DZANK1: variants seen among roughly 807,000 people sequenced by gnomAD.
The protein encoded by DZANK1 is double zinc ribbon and ankyrin repeat-containing protein 1.
A neutral mutation model predicts 94.5 loss-of-function variants in DZANK1; 91 were observed. The ratio of observed to expected loss-of-function variants is 0.96; its 90% CI spans 0.81 to 1.15. The LOEUF (loss-of-function observed/expected upper bound fraction) is 1.15, where lower values mean the gene tolerates loss of function less well. DZANK1 is among the 50% of genes most tolerant of loss of function. The pLI is 0.00. For synonymous variants in DZANK1, 312 were observed against 325.3 expected (o/e 0.96, Z 0.44); for missense variants, 903 against 916.4 (o/e 0.99, Z 0.19).
intron 9 of DZANK1, 33 bp downstream of exon 9, chr20:18,433,619 C>T (rs1469671175): frequency 1.3e-6 from 2 of 1,581,416 alleles, no homozygotes; most frequent in South Asian, 2.2e-5. Context: ...CTATGTATTT[C>T]ATTCATGTTT....
intron 14 of DZANK1, among the ~76,000 whole-genome samples, chr20:18,398,063 A>T (rs2056450739): frequency 6.6e-6 from 1 of 152,166 alleles, no homozygotes; most frequent in African/African-American, 2.4e-5. Flanking sequence ...TATTTTTTTT[A>T]AAGTGATCAC....
intron 10 of DZANK1, chr20:18,420,865 G>C: frequency 6.4e-6 from 1 of 155,604 alleles, no homozygotes; most frequent in Admixed American, 6.4e-5. Flanking sequence ...GTTGAGGTCA[G>C]CCAGAACCCG....
intron 3 of DZANK1, among the ~76,000 whole-genome samples, chr20:18,458,489 CA>C: frequency 6.6e-6 from 1 of 152,314 alleles, no homozygotes; most frequent in East Asian, 1.9e-4. Context: ...TCTCCATCTT[CA>C]AGAAAGTTAG....
In DZANK1 at chr20:18,393,354, C is replaced by A. The variant is rs937619609; in HGVS notation, c.1809+357G>T. Among the ~76,000 whole-genome samples the A allele has an allele frequency of 3.9e-5, 6 of 152,316 alleles. No individual in the cohort carries two copies. In the South Asian group the frequency reaches 1.2e-3, roughly 32 times the overall value. The stretch of plus-strand genomic sequence containing the variant: ...CTCACACAGGGACTTCAGGGTCCAT[C>A]CTCATGCTGGGCACCAGGCCAGCAT... On this transcript the variant is annotated intron_variant, in intron 17 of 20. Coordinates refer to ENST00000262547, the Ensembl canonical transcript of DZANK1.
intron 11 of DZANK1, 122 bp downstream of exon 11, chr20:18,415,205 A>G: frequency 1.0e-6 from 1 of 990,662 alleles, no homozygotes; most frequent in Non-Finnish European, 1.4e-6. Context: ...TTCTTAGGTT[A>G]TAGGTACCAG....
At chr20:18,450,424 C>T (rs1372582614) in intron 6 of DZANK1, among the ~76,000 whole-genome samples, 1 of 152,182 alleles carries the variant, frequency 6.6e-6, no homozygotes, top group African/African-American at 2.4e-5. Context: ...ATAACATGAC[C>T]TAGACCAGAA....
exon 4 of DZANK1, chr20:18,455,352 T>C (rs746545267): frequency 6.3e-7 from 1 of 1,594,766 alleles, no homozygotes; most frequent in South Asian, 1.1e-5. Context: ...TGCCACTCTG[T>C]CTGCAGTCTC....
At chr20:18,385,115 A>C in intron 19 of DZANK1, 25 bp from the exon 20 acceptor site, 1 of 1,550,154 alleles carries the variant, frequency 6.5e-7, no homozygotes, top group Non-Finnish European at 8.7e-7. Context: ...AAAATCCTGG[A>C]TAAATCCTTA....
At position 18,405,692 on chromosome 20, in the gene DZANK1, T is replaced by A. The variant is rs1202271367; in HGVS notation, c.1432+6954A>T. ...TGCTGGAACACCAAATTTTAACAACTATCTGTACTCAGAAAAGCACCATTA... is the reference window on the plus strand; with the variant it reads ...TGCTGGAACACCAAATTTTAACAACAATCTGTACTCAGAAAAGCACCATTA... On this transcript the variant is annotated intron_variant, in intron 13 of 20. Coordinates refer to ENST00000262547, the Ensembl canonical transcript of DZANK1. Among the ~76,000 whole-genome samples, 5 of 152,314 alleles carry A rather than the reference T, an allele frequency of 3.3e-5. No homozygotes were observed. In the East Asian group the frequency reaches 9.6e-4, roughly 29 times the overall value.
At chr20:18,399,013 T>C (rs1248399953) in intron 13 of DZANK1, among the ~76,000 whole-genome samples, 5 of 151,038 alleles carry the variant, frequency 3.3e-5, no homozygotes, top group African/African-American at 1.2e-4. Context: ...GCACCTGTAG[T>C]CCCAGCTACT....
intron 3 of DZANK1, 84 bp from the exon 4 acceptor site, chr20:18,455,445 G>A: frequency 1.1e-6 from 1 of 877,704 alleles, no homozygotes; most frequent in Non-Finnish European, 1.8e-6. Context: ...TTTTATTAAA[G>A]TGCCTTAGTC....
intron 20 of DZANK1, 72 bp from the exon 21 acceptor site, chr20:18,384,636 C>A: frequency 6.8e-7 from 1 of 1,467,510 alleles, no homozygotes. Context: ...TTGACTCTAC[C>A]CTGCCATGGA....
chr20:18,436,443 C>CAA (rs767717764), intron 8 of DZANK1, among the ~76,000 whole-genome samples: 38,801 of 103,172 alleles, frequency 0.38, 7,867 homozygotes, highest in Non-Finnish European at 0.45. Flanking sequence ...GACTCCATCT[C>CAA]AAAAAAAAAA....
At chr20:18,386,745 T>A (rs115399769) in intron 19 of DZANK1, among the ~76,000 whole-genome samples, 2,731 of 152,178 alleles carry the variant, frequency 0.018, 85 homozygotes, top group African/African-American at 0.062. Flanking sequence ...GCCAAAGAGA[T>A]AATAGAACAA....
At chr20:18,394,101 TGACTTCAGAGAAGCCAGA>T (rs1204925380) in intron 16 of DZANK1, among the ~76,000 whole-genome samples, 135 bp downstream of exon 16, 1 of 152,182 alleles carries the variant, frequency 6.6e-6, no homozygotes, top group Admixed American at 6.5e-5. Flanking sequence ...GTCTCACCTC[TGACTTCAGAGAAGCCAGA>T]GAAATAAAAC....
At chr20:18,430,658 T>C (rs1331139166) in intron 9 of DZANK1, among the ~76,000 whole-genome samples, 2 of 151,792 alleles carry the variant, frequency 1.3e-5, no homozygotes, top group South Asian at 2.1e-4. Context: ...CTACAAAAAA[T>C]AGAAAAATTA....
chr20:18,385,070 T>TACA, exon 20 of DZANK1: 1 of 1,553,220 alleles, frequency 6.4e-7, no homozygotes. Flanking sequence ...AGTTGCTTCA[T>TACA]GAAGAGCTGT....
chr20:18,390,985 C>A (rs1476606716), intron 17 of DZANK1, among the ~76,000 whole-genome samples: 2 of 152,128 alleles, frequency 1.3e-5, no homozygotes, highest in Non-Finnish European at 2.9e-5. Context: ...CATTTGAGGT[C>A]AGGAGTTTGA....
rs372973713 is a variant in DZANK1, at chr20:18,413,940, C to T, written c.1242+408G>A. Among the ~76,000 whole-genome samples the T allele has an allele frequency of 1.2e-4, 19 of 152,256 alleles. No homozygotes were observed. In the South Asian group the frequency reaches 3.7e-3, roughly 30 times the overall value. Reference sequence around the variant, plus strand: ...TGTATAAAATTATAAAAATCTAACACAAAGCCAGTTGTTAGAGCTTAAGTA... The same window carrying T: ...TGTATAAAATTATAAAAATCTAACATAAAGCCAGTTGTTAGAGCTTAAGTA... On this transcript the variant is annotated intron_variant, in intron 12 of 20. Transcript: ENST00000262547.
Sources: gnomAD v4.1 joint callset for allele counts (sites outside exome capture counted in the v4.1 genomes callset) on GRCh38, gnomAD v4.1.1 for gene constraint, MANE v1.5 for transcripts, NCBI Gene and HGNC (gene_info 2026-07-23, HGNC 2026-07-21) for gene names.